The following GRM7 variants were observed in gnomAD, a reference collection of about 807,000 sequenced individuals.
The protein encoded by GRM7 is metabotropic glutamate receptor 7.
GRM7 carries 35 observed loss-of-function variants against 84.5 expected under a neutral mutation model. The observed-to-expected ratio is 0.41, with a 90% CI of 0.32 to 0.55. The LOEUF is 0.55. GRM7 is among the 20% of genes least tolerant of loss of function. The pLI is 0.19. For synonymous variants in GRM7, 487 were observed against 455.1 expected, an observed-to-expected ratio of 1.07 and a Z score of -0.89; for missense variants, 1,003 against 1,194.6, an observed-to-expected ratio of 0.84 and a Z score of 2.36.
At chr3:7,172,969 G>A (rs1695033902) in intron 2 of GRM7, among the ~76,000 whole-genome samples, 1 of 151,958 alleles carries the variant, frequency 6.6e-6, no homozygotes, top group Admixed American at 6.6e-5. Flanking sequence ...ATATGTATGT[G>A]TATGTGTATA....
intron 1 of GRM7, among the ~76,000 whole-genome samples, chr3:7,004,093 G>C (rs1695102546): frequency 6.6e-6 from 1 of 152,166 alleles, no homozygotes; most frequent in Non-Finnish European, 1.5e-5. Context: ...AAAGGGCTCA[G>C]AACAGAAGCT....
chr3:7,660,208 G>T (rs79762030), intron 8 of GRM7, among the ~76,000 whole-genome samples: 5 of 152,114 alleles, frequency 3.3e-5, no homozygotes, highest in African/African-American at 1.2e-4. Flanking sequence ...GGCAGTCACC[G>T]CTTTAACCAC....
chr3:7,001,690 T>G (rs1414329415), intron 1 of GRM7, among the ~76,000 whole-genome samples: 1 of 134,376 alleles, frequency 7.4e-6, no homozygotes, highest in Admixed American at 7.1e-5. Flanking sequence ...ACGTTGAAAT[T>G]AATTTATTTT....
intron 7 of GRM7, among the ~76,000 whole-genome samples, chr3:7,526,675 T>G (rs918077787): frequency 6.6e-6 from 1 of 152,152 alleles, no homozygotes; most frequent in Admixed American, 6.6e-5. Context: ...CATTTAAGTT[T>G]TTAACTCATC....
intron 2 of GRM7, among the ~76,000 whole-genome samples, chr3:7,244,454 AC>A (rs1319862107): frequency 2.0e-5 from 3 of 152,110 alleles, no homozygotes; most frequent in Non-Finnish European, 4.4e-5. Flanking sequence ...ATAGAAAAAA[AC>A]AGCTGAAAGA....
chr3:7,470,408 T>G (rs1698651380), intron 7 of GRM7, among the ~76,000 whole-genome samples: 2 of 152,196 alleles, frequency 1.3e-5, no homozygotes, highest in African/African-American at 4.8e-5. Context: ...TGTGGAAACA[T>G]GTACTTGTGT....
chr3:6,882,602 A>G (rs1695552451), intron 1 of GRM7, among the ~76,000 whole-genome samples: 1 of 152,240 alleles, frequency 6.6e-6, no homozygotes, highest in Non-Finnish European at 1.5e-5. Flanking sequence ...CATTTCCAAT[A>G]AATGATCTTC....
intron 1 of GRM7, among the ~76,000 whole-genome samples, chr3:7,064,030 G>T (rs1476876109): frequency 6.6e-6 from 1 of 151,374 alleles, no homozygotes; most frequent in Non-Finnish European, 1.5e-5. Context: ...GCTGACAGAG[G>T]ATTTGCTGTT....
intron 7 of GRM7, among the ~76,000 whole-genome samples, chr3:7,480,482 T>G (rs558210826): frequency 6.6e-6 from 1 of 152,210 alleles, no homozygotes; most frequent in African/African-American, 2.4e-5. Context: ...ACTGAAGCAC[T>G]CTGAGATTTA....
At chr3:7,603,280 G>A (rs955684909) in intron 8 of GRM7, among the ~76,000 whole-genome samples, 1 of 152,054 alleles carries the variant, frequency 6.6e-6, no homozygotes, top group Non-Finnish European at 1.5e-5. Context: ...CATCAAATAA[G>A]CACTCAAGTC....
chr3:7,101,903 C>T (rs1216987382), intron 1 of GRM7, among the ~76,000 whole-genome samples: 1 of 150,706 alleles, frequency 6.6e-6, no homozygotes, highest in African/African-American at 2.4e-5. Context: ...TAATTTATCA[C>T]AGTTCATTCA....
intron 2 of GRM7, among the ~76,000 whole-genome samples, chr3:7,295,828 G>GT (rs553912503): frequency 9.3e-6 from 1 of 108,094 alleles, no homozygotes. Context: ...GCTTTTTTTT[G>GT]GGGGGGGGAT....
chr3:7,113,390 C>T (rs1692926688), intron 1 of GRM7, among the ~76,000 whole-genome samples: 1 of 152,130 alleles, frequency 6.6e-6, no homozygotes, highest in African/African-American at 2.4e-5. Flanking sequence ...TATCTACATC[C>T]TGCACCTCAG....
intron 4 of GRM7, among the ~76,000 whole-genome samples, chr3:7,356,297 A>ATTTTTTTTT (rs1011380269): frequency 4.7e-5 from 7 of 149,020 alleles, no homozygotes; most frequent in African/African-American, 1.7e-4. Context: ...GCAGAGGAGG[A>ATTTTTTTTT]TTTTTTTTTT....
chr3:6,979,009 C>T (rs927940983), intron 1 of GRM7, among the ~76,000 whole-genome samples: 3 of 152,118 alleles, frequency 2.0e-5, no homozygotes, highest in African/African-American at 7.2e-5. Flanking sequence ...GAGTAGCCCT[C>T]AGCCAAATAG....
chr3:6,871,739 C>G (rs1695127800), intron 1 of GRM7, among the ~76,000 whole-genome samples: 1 of 152,002 alleles, frequency 6.6e-6, no homozygotes, highest in Admixed American at 6.6e-5. Flanking sequence ...ATTATGTAAG[C>G]TATATTTTAA....
chr3:7,058,812 G>C (rs1211813371), intron 1 of GRM7, among the ~76,000 whole-genome samples: 5 of 151,790 alleles, frequency 3.3e-5, no homozygotes, highest in Admixed American at 2.6e-4. Flanking sequence ...TCCTTGTCCT[G>C]ATTGGCTAGC....
Position 7,046,139 on chromosome 3 carries a change from G to A in GRM7, c.520-100313G>A, listed in dbSNP as rs141868483. ...AATCGATGATATTGAATACCTTTTC[G>A]TATTCTATTGTCCATTGTTATGCTT... On this transcript the variant is annotated intron_variant, in intron 1 of 9. Coordinates refer to ENST00000357716, the MANE Select transcript of GRM7 (RefSeq NM_000844.4). Among the ~76,000 whole-genome samples, 930 of 152,088 alleles carry A rather than the reference G, an allele frequency of 6.1e-3. 4 individuals carry two copies. The highest frequency in any genetic ancestry group is 0.01 in the Non-Finnish European group (698 of 67,960).
At chr3:7,672,612 T>C (rs1699963984) in intron 8 of GRM7, among the ~76,000 whole-genome samples, 1 of 149,122 alleles carries the variant, frequency 6.7e-6, no homozygotes, top group African/African-American at 2.5e-5. Context: ...TTTTTTTTTT[T>C]TTTTTTTTTT....
Sources: allele counts gnomAD v4.1 joint callset (sites outside exome capture counted in the v4.1 genomes callset), GRCh38; gene constraint gnomAD v4.1.1; transcripts MANE v1.5; gene names NCBI Gene and HGNC (gene_info 2026-07-23, HGNC 2026-07-21).